ADGRL3: variants seen among roughly 807,000 people sequenced by gnomAD.
ADGRL3 encodes calcium-independent alpha-latrotoxin receptor 3.
ADGRL3 carries 62 observed loss-of-function variants against 153.5 expected under a neutral mutation model. That is an observed-to-expected ratio of 0.40 (90% CI 0.33 to 0.50). The LOEUF (loss-of-function observed/expected upper bound fraction) is 0.50. Among genes scored for constraint, ADGRL3 ranks in the 20% least tolerant of loss-of-function variants. The pLI, the probability that ADGRL3 is intolerant of heterozygous loss-of-function variation, is 0.47. For missense variants in ADGRL3, 1,641 were observed against 1,859.4 expected (o/e 0.88, Z 2.16); for synonymous variants, 710 against 672.5 (o/e 1.06, Z -0.86).
intron 4 of ADGRL3, among the ~76,000 whole-genome samples, chr4:61,520,904 C>T (rs1327035506): frequency 1.3e-5 from 2 of 151,860 alleles, no homozygotes; most frequent in African/African-American, 4.8e-5. Flanking sequence ...TGACTGTCAG[C>T]CTGAATTGTG....
chr4:61,726,627 T>A (rs2096352102), intron 6 of ADGRL3, among the ~76,000 whole-genome samples: 1 of 152,150 alleles, frequency 6.6e-6, no homozygotes, highest in Non-Finnish European at 1.5e-5. Context: ...TTATTTTGCC[T>A]TTCTGCCATA....
At chr4:61,428,551 A>G (rs2152393428) in intron 2 of ADGRL3, among the ~76,000 whole-genome samples, 2 of 152,318 alleles carry the variant, frequency 1.3e-5, no homozygotes, top group South Asian at 4.1e-4. Flanking sequence ...AAATATTGAG[A>G]GACAGTGTAT....
intron 1 of ADGRL3, among the ~76,000 whole-genome samples, chr4:61,300,854 C>T (rs1159639462): frequency 1.3e-5 from 2 of 151,342 alleles, no homozygotes; most frequent in Admixed American, 1.3e-4. Flanking sequence ...CAGGCTCCGC[C>T]TCACGGGTTC....
rs186618766 is a variant in ADGRL3, at chr4:61,925,050, C to T, written c.2113-9790C>T. Among the ~76,000 whole-genome samples the T allele has an allele frequency of 1.4e-4, 22 of 152,116 alleles. No individual in the cohort carries two copies. The East Asian group carries it at 2.5e-3, about 17-fold the overall frequency. ...ATATTAATTAAATGAATAAATGTCC[C>T]GCTTTGAAGTAATGATATACAATTG... On this transcript the variant is annotated intron_variant, in intron 13 of 26. Transcript: ENST00000683033.
intron 17 of ADGRL3, among the ~76,000 whole-genome samples, chr4:61,977,173 G>C (rs916445732): frequency 1.3e-5 from 2 of 151,144 alleles, no homozygotes; most frequent in Non-Finnish European, 2.9e-5. Flanking sequence ...CACCTACACA[G>C]ATAAAAGTGG....
At chr4:61,421,913 C>G (rs1028667678) in intron 2 of ADGRL3, among the ~76,000 whole-genome samples, 3 of 152,056 alleles carry the variant, frequency 2.0e-5, no homozygotes, top group African/African-American at 7.2e-5. Flanking sequence ...TATTCCTGCA[C>G]CGCTTTTTGG....
In ADGRL3 at chr4:62,070,958, T is replaced by C. The variant is rs1300021671; in HGVS notation, c.*50T>C. ...ACAAAACTGCTAACACCTTGTTGAC[T>C]GTTCTGAGTTGATATAAGCAGTGGT... On this transcript the variant is annotated 3_prime_UTR_variant, in exon 27 of 27. Transcript: ENST00000683033. The C allele has an allele frequency of 1.4e-6, 2 of 1,413,048 alleles. No individual in the cohort carries two copies. The highest frequency in any genetic ancestry group is 1.9e-6 in the Non-Finnish European group (2 of 1,046,688). The allele number at this position is 1,413,048 out of a possible 1,614,324, so 87.5% of individuals were successfully genotyped here.
chr4:61,909,762 T>TGTGTGA lies in ADGRL3; in HGVS notation c.2073+22_2073+23insAGTGTG, dbSNP rs1491209615. The TGTGTGA allele has an allele frequency of 1.2e-5, 1 of 86,476 alleles. No homozygotes were observed. The highest frequency in any genetic ancestry group is 1.6e-5 in the Non-Finnish European group (1 of 62,200). The allele number at this position is 86,476 out of a possible 1,614,324, so 5.4% of individuals were successfully genotyped here. The stretch of plus-strand genomic sequence containing the variant: ...TTGAACAAGGTAAGGACCCTAATTA[T>TGTGTGA]GTGTGTGTGTGTGTGTGTGTGTGTG... On this transcript the variant is annotated intron_variant, in intron 12 of 26. Transcript: ENST00000683033.
At chr4:61,934,555 C>T (rs1263513747) in intron 13 of ADGRL3, among the ~76,000 whole-genome samples, 1 of 152,074 alleles carries the variant, frequency 6.6e-6, no homozygotes, top group Non-Finnish European at 1.5e-5. Flanking sequence ...TGATCATAGT[C>T]TTGTTGAAGC....
chr4:61,357,147 A>G (rs1309272020), intron 1 of ADGRL3, among the ~76,000 whole-genome samples: 2 of 152,134 alleles, frequency 1.3e-5, no homozygotes, highest in African/African-American at 2.4e-5. Flanking sequence ...GTAATGAACC[A>G]TAGCCTTACT....
intron 4 of ADGRL3, among the ~76,000 whole-genome samples, chr4:61,522,167 T>G (rs1188196991): frequency 6.6e-6 from 1 of 152,124 alleles, no homozygotes; most frequent in Non-Finnish European, 1.5e-5. Flanking sequence ...TTGACATTCA[T>G]TCAGTTCTTA....
At chr4:61,645,806 G>C (rs1053593286) in intron 5 of ADGRL3, among the ~76,000 whole-genome samples, 1 of 152,066 alleles carries the variant, frequency 6.6e-6, no homozygotes. Context: ...GGCGTTCTCT[G>C]TATTTCCTGA....
intron 4 of ADGRL3, among the ~76,000 whole-genome samples, chr4:61,581,274 C>A (rs2098923876): frequency 6.6e-6 from 1 of 151,862 alleles, no homozygotes; most frequent in African/African-American, 2.4e-5. Flanking sequence ...AGAGCTGTTA[C>A]TAGTAAGCAT....
intron 5 of ADGRL3, 65 bp downstream of exon 5, chr4:61,587,505 C>T (rs1579697911): frequency 8.7e-7 from 1 of 1,152,670 alleles, no homozygotes; most frequent in East Asian, 2.4e-5. Context: ...ATCTGTGTTA[C>T]ATGTTAAGCA....
intron 1 of ADGRL3, among the ~76,000 whole-genome samples, chr4:61,222,262 G>T (rs1745958037): frequency 6.6e-6 from 1 of 151,934 alleles, no homozygotes; most frequent in Non-Finnish European, 1.5e-5. Context: ...TAAATCTGTT[G>T]TAATTCATGG....
At chr4:62,009,994 A>G (rs1339161604) in intron 21 of ADGRL3, among the ~76,000 whole-genome samples, 1 of 152,166 alleles carries the variant, frequency 6.6e-6, no homozygotes, top group Non-Finnish European at 1.5e-5. Flanking sequence ...GAAGAGATGC[A>G]CAGGGCAAGG....
At chr4:61,962,746 G>A (rs1005478522) in intron 17 of ADGRL3, among the ~76,000 whole-genome samples, 1 of 152,090 alleles carries the variant, frequency 6.6e-6, no homozygotes, top group Admixed American at 6.6e-5. Flanking sequence ...ACATTGTACA[G>A]AAACATTGAA....
At chr4:62,011,692 A>G (rs1182880827) in intron 21 of ADGRL3, among the ~76,000 whole-genome samples, 11 of 152,208 alleles carry the variant, frequency 7.2e-5, no homozygotes, top group Non-Finnish European at 5.9e-5. Flanking sequence ...ATTTCTAAGC[A>G]TGTCTTTTTT....
intron 4 of ADGRL3, among the ~76,000 whole-genome samples, chr4:61,538,249 G>T (rs867370045): frequency 4.8e-4 from 70 of 146,286 alleles, no homozygotes; most frequent in African/African-American, 1.7e-3. Flanking sequence ...GACTCGTTGT[G>T]TGCTTCTTTG....
Sources: gnomAD v4.1 joint callset for allele counts (sites outside exome capture counted in the v4.1 genomes callset) on GRCh38, gnomAD v4.1.1 for gene constraint, MANE v1.5 for transcripts, NCBI Gene and HGNC (gene_info 2026-07-23, HGNC 2026-07-21) for gene names.